The following CNN1 variants were observed in gnomAD, a reference collection of about 807,000 sequenced individuals.
The protein encoded by CNN1 is calponin 1.
CNN1 carries 21 observed loss-of-function variants against 35.3 expected under a neutral mutation model. The ratio of observed to expected loss-of-function variants is 0.60; its 90% CI spans 0.42 to 0.86. The LOEUF is 0.86. Among genes scored for constraint, CNN1 ranks in the 40% least tolerant of loss-of-function variants. The pLI is 0.00. For missense variants in CNN1, 314 were observed against 400.8 expected (o/e 0.78, Z 1.85); for synonymous variants, 164 against 161.8 (o/e 1.01, Z -0.10).
chr19:11,546,553 C>T (rs573198489), intron 2 of CNN1, 122 bp from the exon 3 acceptor site: 1 of 960,512 alleles, frequency 1.0e-6, no homozygotes, highest in East Asian at 2.4e-5. Flanking sequence ...CCAGGATAGT[C>T]TCGCTCTCCT....
Position 11,549,406 on chromosome 19 carries a change from A to T in CNN1, c.585A>T (p.Thr195=). The T allele has an allele frequency of 6.2e-7, 1 of 1,613,428 alleles. No individual in the cohort carries two copies. Among genetic ancestry groups the T allele is most frequent in the South Asian group, 1.1e-5 (1 of 91,054 alleles). Residue 195 remains threonine, a synonymous_variant, in exon 6 of 7, where the codon ACA becomes ACT. Transcript: ENST00000252456. The surrounding 1 kb of genome is among the most constrained non-coding windows in gnomAD (Gnocchi z 5.2). ...RRHLYDPKLG[T]DQPLDQATIS... Reference sequence around the variant, plus strand: ...ACCTCTACGACCCCAAGCTGGGCACAGACCAGCCTCTGGACCAGGCGACCA... The same window carrying T: ...ACCTCTACGACCCCAAGCTGGGCACTGACCAGCCTCTGGACCAGGCGACCA...
At chr19:11,540,686 G>A (rs906388157) in intron 1 of CNN1, 1 of 171,086 alleles carries the variant, frequency 5.8e-6, no homozygotes, top group African/African-American at 2.4e-5. Flanking sequence ...CCCTTCCTGA[G>A]GTGCCCTCTC....
chr19:11,539,465 T>C (rs1972410318), intron 1 of CNN1: 2 of 1,096,748 alleles, frequency 1.8e-6, no homozygotes, highest in Non-Finnish European at 2.2e-6. Context: ...AGGGGTCTCC[T>C]GACTGTGGAG....
At position 11,546,744 on chromosome 19, in the gene CNN1, G is replaced by A. The variant is rs749229635; in HGVS notation, c.252+3G>A. The A allele has an allele frequency of 1.2e-5, 19 of 1,614,154 alleles. No individual in the cohort carries two copies. In the South Asian group the frequency reaches 1.5e-4, roughly 13 times the overall value. ...AGTCAACCCAAAATTGGCACCAGGT[G>A]AGCCCAGACACAATCTCTTCCATCC... On this transcript the variant is annotated splice_donor_region_variant and intron_variant, in intron 3 of 6. Coordinates refer to ENST00000252456, the MANE Select transcript of CNN1 (RefSeq NM_001299.6).
At position 11,539,946 on chromosome 19, in the gene CNN1, G is replaced by A. The variant is rs1023103915; in HGVS notation, c.63+956G>A. The A allele has an allele frequency of 9.0e-6, 10 of 1,114,462 alleles. No individual in the cohort carries two copies. The African/African-American group carries it at 1.7e-4, about 19-fold the overall frequency. The allele number at this position is 1,114,462 out of a possible 1,614,324, so 69.0% of individuals were successfully genotyped here. A position where few individuals can be genotyped will look rare whatever the true frequency, so the allele number is the denominator to read the frequency against. ...CTTATAAGGCGGCCTCGGGGAGCCC[G>A]GGCCACGCTATATAAGGGCCGGTTT... On this transcript the variant is annotated intron_variant, in intron 1 of 6. Coordinates refer to ENST00000252456, the MANE Select transcript of CNN1 (RefSeq NM_001299.6).
chr19:11,540,158 G>A (rs1164913822), intron 1 of CNN1: 2 of 672,874 alleles, frequency 3.0e-6, no homozygotes, highest in East Asian at 1.3e-4. Flanking sequence ...GGGAGGGGGG[G>A]GACAGTGGAG....
At chr19:11,545,508 C>T (rs556962743) in intron 2 of CNN1, among the ~76,000 whole-genome samples, 2 of 79,362 alleles carry the variant, frequency 2.5e-5, no homozygotes, top group South Asian at 4.0e-4. Flanking sequence ...AGGGGGGAGT[C>T]TGGAGGGGGA....
At chr19:11,543,803 A>G in intron 2 of CNN1, among the ~76,000 whole-genome samples, 1 of 147,666 alleles carries the variant, frequency 6.8e-6, no homozygotes, top group African/African-American at 2.5e-5. Flanking sequence ...AAAAAAAAAA[A>G]GACCTAATGT....
At chr19:11,543,963 C>CTCAT (rs141056725) in intron 2 of CNN1, among the ~76,000 whole-genome samples, 6,511 of 151,488 alleles carry the variant, frequency 0.043, 174 homozygotes, top group Middle Eastern at 0.087. Flanking sequence ...CGGTCATTCA[C>CTCAT]TCATTCATTC....
intron 2 of CNN1, among the ~76,000 whole-genome samples, chr19:11,543,458 TA>T (rs1972508602): frequency 7.1e-6 from 1 of 141,120 alleles, no homozygotes; most frequent in African/African-American, 2.6e-5. Flanking sequence ...CCCTAGAACT[TA>T]AAGTATAATA....
In CNN1 at chr19:11,546,876, G is replaced by A. The variant is rs768209236; in HGVS notation, c.297G>A (p.Gly99=). 1.2e-6 allele frequency: 2 copies of A among 1,614,196 alleles called. No homozygotes were observed. Among genetic ancestry groups the A allele is most frequent in the Non-Finnish European group, 1.7e-6 (2 of 1,180,050 alleles). ...TCATCAAGGCCATCACCAAGTATGG[G>A]GTGAAGCCCCACGACATTTTTGAGG... ...GNFIKAITKY[G]VKPHDIFEAN... The change falls in exon 4 of 7, where the codon GGG becomes GGA. Residue 99 remains glycine, a synonymous_variant. Transcript: ENST00000252456.
chr19:11,540,104 G>A (rs1972426903), intron 1 of CNN1: 2 of 1,000,174 alleles, frequency 2.0e-6, no homozygotes, highest in Non-Finnish European at 2.4e-6. Flanking sequence ...TGGGAGCCTG[G>A]CTGGGCTTGG....
In CNN1 at chr19:11,541,056, C is replaced by T. The variant is rs772013584; in HGVS notation, c.64-20C>T. On this transcript the variant is annotated intron_variant, in intron 1 of 6. Transcript: ENST00000252456. ...ATCCTCACCCCTTTCTCTGTGCCCC[C>T]TGCCCTCCCCTCGCCCCAGCTGGCC... is the stretch of plus-strand genomic sequence containing the variant. 4.4e-6 allele frequency: 7 copies of T among 1,590,314 alleles called. No homozygotes were observed. In the South Asian group the frequency reaches 6.8e-5, roughly 15 times the overall value.
At position 11,549,874 on chromosome 19, in the gene CNN1, C is replaced by G; in HGVS notation, c.*79C>G. 2 of 1,526,326 alleles carry G rather than the reference C, an allele frequency of 1.3e-6. No individual in the cohort carries two copies. Among genetic ancestry groups the G allele is most frequent in the South Asian group, 2.5e-5 (2 of 79,190 alleles). 94.5% of individuals were successfully genotyped at this position (1,526,326 alleles called of 1,614,324 possible). A position where few individuals can be genotyped will look rare whatever the true frequency, so the allele number is the denominator to read the frequency against. On this transcript the variant is annotated 3_prime_UTR_variant, in exon 7 of 7. Transcript: ENST00000252456. The surrounding 1 kb of genome is among the most constrained non-coding windows in gnomAD (Gnocchi z 5.2). Reference sequence around the variant, plus strand: ...CTGGACCCAGCCAGGCCCAGCCGACCCCCTCTCCCTGCATGGCATCCTCCA... The same window carrying G: ...CTGGACCCAGCCAGGCCCAGCCGACGCCCTCTCCCTGCATGGCATCCTCCA...
chr19:11,538,852 C>T lies in CNN1; in HGVS notation c.-76C>T, dbSNP rs1972396069. The T allele has an allele frequency of 5.5e-6, 7 of 1,271,170 alleles. No homozygotes were observed. The highest frequency in any genetic ancestry group is 6.3e-6 in the Non-Finnish European group (6 of 945,858). 78.7% of individuals were successfully genotyped at this position (1,271,170 alleles called of 1,614,324 possible). On this transcript the variant is annotated 5_prime_UTR_variant, in exon 1 of 7. Transcript: ENST00000252456. The stretch of plus-strand genomic sequence containing the variant: ...AAACATGTGAGGAGGGAAGAGTGTG[C>T]AGACGGAACTTCAGCCGCTGCCTCT...
chr19:11,549,194 AAATAAAT>A lies in CNN1; in HGVS notation c.502-126_502-120del. On this transcript the variant is annotated intron_variant, in intron 5 of 6. Transcript: ENST00000252456. The surrounding 1 kb of genome is among the most constrained non-coding windows in gnomAD (Gnocchi z 5.2). ...CAGAGCAAGACTCCGTCTCAAAAAA[AAATAAAT>A]AAAATAAAATAAAAATTGAAAAAAA... The A allele has an allele frequency of 9.4e-7, 1 of 1,065,280 alleles. No individual in the cohort carries two copies. Among genetic ancestry groups the A allele is most frequent in the Non-Finnish European group, 1.3e-6 (1 of 780,468 alleles). The allele number at this position is 1,065,280 out of a possible 1,614,324, so 66.0% of individuals were successfully genotyped here. A position where few individuals can be genotyped will look rare whatever the true frequency, so the allele number is the denominator to read the frequency against.
At chr19:11,539,918 C>T in intron 1 of CNN1, 1 of 1,118,042 alleles carries the variant, frequency 8.9e-7, no homozygotes, top group Non-Finnish European at 1.1e-6. Flanking sequence ...AGAGACGCCG[C>T]GCCTTATAAG....
intron 1 of CNN1, chr19:11,539,873 C>T (rs561339694): frequency 1.0e-4 from 117 of 1,164,012 alleles, no homozygotes; most frequent in South Asian, 8.4e-4. Context: ...CCTCCTCCCC[C>T]CCAGCGCCGG....
chr19:11,540,791 A>T, intron 1 of CNN1: 1 of 309,134 alleles, frequency 3.2e-6, no homozygotes, highest in South Asian at 6.7e-5. Context: ...CCACCCCTCT[A>T]GCTCAGAGGA....
Sources: gnomAD v4.1 joint callset for allele counts (sites outside exome capture counted in the v4.1 genomes callset) on GRCh38, gnomAD v4.1.1 for gene constraint, Gnocchi (gnomAD v3.1) non-coding constraint, MANE v1.5 for transcripts, NCBI Gene and HGNC (gene_info 2026-07-23, HGNC 2026-07-21) for gene names.